ADGRL2: variants seen among roughly 807,000 people sequenced by gnomAD.
ADGRL2 encodes calcium-independent alpha-latrotoxin receptor 2.
ADGRL2 carries 44 observed loss-of-function variants against 157.4 expected under a neutral mutation model. That is an observed-to-expected ratio of 0.28 (90% CI 0.22 to 0.36). ADGRL2 has a LOEUF of 0.36. Ranked by LOEUF, ADGRL2 falls within the 10% of genes least tolerant of loss-of-function variation. ADGRL2 has a pLI of 1.00. For missense variants in ADGRL2, 1,510 were observed against 1,768.9 expected (o/e 0.85, Z 2.63); for synonymous variants, 585 against 624.7 (o/e 0.94, Z 0.95).
At chr1:81,806,433 C>G (rs1300176126) in intron 1 of ADGRL2, among the ~76,000 whole-genome samples, 1 of 151,914 alleles carries the variant, frequency 6.6e-6, no homozygotes, top group East Asian at 1.9e-4. Context: ...AGCTTTAAAA[C>G]TAAGGTTTAC....
chr1:81,456,183 G>A (rs2077801811), intron 2 of ADGRL2, among the ~76,000 whole-genome samples: 1 of 151,996 alleles, frequency 6.6e-6, no homozygotes, highest in South Asian at 2.1e-4. Flanking sequence ...GATATTTAAG[G>A]AAATGGCAAA....
Position 81,970,470 on chromosome 1 carries a change from T to C in ADGRL2, c.2890T>C (p.Phe964Leu), listed in dbSNP as rs1170152459. Residue 964 changes from phenylalanine to leucine, a missense_variant, in exon 16 of 24, where the codon TTT becomes CTT. Physicochemically the swap from Phe to Leu is conservative, Grantham distance 22. This residue lies in a region of ADGRL2 where 497 missense variants were observed against 627.2 expected (regional missense o/e 0.79). Coordinates refer to ENST00000686636, the MANE Select transcript of ADGRL2 (RefSeq NM_001366006.2). ...ATATTACTATGTTGCTGGTTACTTGTTTCCTGCCACAGTGGTTGGAGTTTC... is the reference window on the plus strand; with the variant it reads ...ATATTACTATGTTGCTGGTTACTTGCTTCCTGCCACAGTGGTTGGAGTTTC... ...KKYYYVAGYL[F>L]PATVVGVSAA... 3 of 1,572,484 alleles carry C rather than the reference T, an allele frequency of 1.9e-6. No individual in the cohort carries two copies. Among genetic ancestry groups the C allele is most frequent in the Admixed American group, 4.1e-5 (2 of 48,682 alleles).
chr1:81,449,789 C>A (rs2077672253), intron 2 of ADGRL2, among the ~76,000 whole-genome samples: 1 of 152,038 alleles, frequency 6.6e-6, no homozygotes, highest in Non-Finnish European at 1.5e-5. Context: ...CAAGGTTTCA[C>A]CATGTTGCCC....
At chr1:81,612,801 A>G (rs575326146) in intron 3 of ADGRL2, among the ~76,000 whole-genome samples, 5 of 152,348 alleles carry the variant, frequency 3.3e-5, no homozygotes, top group African/African-American at 9.6e-5. Flanking sequence ...GTCAACAGGT[A>G]TATGAAAAAA....
At chr1:81,920,721 A>G (rs918300439) in intron 3 of ADGRL2, among the ~76,000 whole-genome samples, 4 of 152,078 alleles carry the variant, frequency 2.6e-5, no homozygotes, top group African/African-American at 9.7e-5. Flanking sequence ...CATGGCTTCA[A>G]TGATAGTTCT....
chr1:81,372,313 A>G, intron 1 of ADGRL2, among the ~76,000 whole-genome samples: 1 of 152,226 alleles, frequency 6.6e-6, no homozygotes, highest in East Asian at 1.9e-4. Flanking sequence ...GTACATTTAG[A>G]GCTCAGGAAC....
chr1:81,502,384 G>A, intron 2 of ADGRL2: 1 of 1,614,170 alleles, frequency 6.2e-7, no homozygotes, highest in Non-Finnish European at 8.5e-7. Context: ...GGGGAAGAGA[G>A]ATCTCTCGAG....
chr1:81,677,291 A>G (rs1394303781), intron 3 of ADGRL2, among the ~76,000 whole-genome samples: 2 of 152,050 alleles, frequency 1.3e-5, no homozygotes, highest in African/African-American at 4.8e-5. Context: ...GGCCCAACTC[A>G]TTGGATTTTT....
intron 2 of ADGRL2, among the ~76,000 whole-genome samples, chr1:81,466,679 G>GCGCA (rs1553167505): frequency 1.3e-5 from 2 of 151,168 alleles, no homozygotes; most frequent in South Asian, 2.1e-4. Context: ...TCACGCGCGC[G>GCGCA]CACACACACA....
At chr1:81,550,052 G>A (rs17106674) in intron 2 of ADGRL2, among the ~76,000 whole-genome samples, 1,799 of 152,270 alleles carry the variant, frequency 0.012, 80 homozygotes, top group East Asian at 0.078. Context: ...GAAATCCAAG[G>A]AGAAAATGTT....
chr1:81,413,271 A>C (rs1312001085), intron 1 of ADGRL2, among the ~76,000 whole-genome samples: 1 of 152,150 alleles, frequency 6.6e-6, no homozygotes, highest in Non-Finnish European at 1.5e-5. Flanking sequence ...TGAATCCTCT[A>C]CTTCAGAACA....
chr1:81,362,398 T>A (rs898245776), intron 1 of ADGRL2, among the ~76,000 whole-genome samples: 1 of 151,918 alleles, frequency 6.6e-6, no homozygotes, highest in East Asian at 1.9e-4. Flanking sequence ...CTTTTGATTT[T>A]TTTTTTCTTT....
intron 1 of ADGRL2, among the ~76,000 whole-genome samples, chr1:81,326,808 C>T (rs866876963): frequency 6.6e-6 from 1 of 152,250 alleles, no homozygotes; most frequent in Middle Eastern, 3.4e-3. Context: ...GACTTTCAGA[C>T]CATTACATCC....
intron 3 of ADGRL2, among the ~76,000 whole-genome samples, chr1:81,917,900 C>T (rs535215714): frequency 2.0e-5 from 3 of 152,266 alleles, no homozygotes; most frequent in East Asian, 1.9e-4. Flanking sequence ...CCTTCACTTG[C>T]GTGGGTCTCT....
chr1:81,320,804 C>T (rs1570609842), intron 1 of ADGRL2, among the ~76,000 whole-genome samples: 1 of 152,150 alleles, frequency 6.6e-6, no homozygotes, highest in Admixed American at 6.5e-5. Flanking sequence ...GTAGATTTAG[C>T]ATAATTCTTA....
chr1:81,522,614 T>C (rs1240873162), intron 2 of ADGRL2, among the ~76,000 whole-genome samples: 1 of 152,210 alleles, frequency 6.6e-6, no homozygotes, highest in Non-Finnish European at 1.5e-5. Context: ...ATATGTGGTT[T>C]AAGCTATACT....
At chr1:81,760,357 A>G (rs1308030369) in intron 1 of ADGRL2, among the ~76,000 whole-genome samples, 1 of 152,128 alleles carries the variant, frequency 6.6e-6, no homozygotes, top group Non-Finnish European at 1.5e-5. Flanking sequence ...AATTAAATCT[A>G]ACCCCTTTAG....
At chr1:81,560,835 C>A (rs187968532) in intron 2 of ADGRL2, among the ~76,000 whole-genome samples, 2 of 152,236 alleles carry the variant, frequency 1.3e-5, no homozygotes, top group African/African-American at 4.8e-5. Flanking sequence ...ATCTGCACCA[C>A]GGCCCGGTCC....
intron 3 of ADGRL2, among the ~76,000 whole-genome samples, chr1:81,635,395 C>T (rs961115038): frequency 6.6e-6 from 1 of 152,194 alleles, no homozygotes; most frequent in Admixed American, 6.5e-5. Flanking sequence ...TTAGAAAGCA[C>T]TTCTCTCAAA....
Sources: gnomAD v4.1 joint callset for allele counts (sites outside exome capture counted in the v4.1 genomes callset) on GRCh38, gnomAD v4.1.1 for gene constraint, gnomAD v4.1.1 regional missense constraint, MANE v1.5 for transcripts, NCBI Gene and HGNC (gene_info 2026-07-23, HGNC 2026-07-21) for gene names.